Variants in ACTMAP observed in about 807,000 individuals in gnomAD.
ACTMAP encodes actin maturation protease, also known as UPF0692 protein C19orf54.
the ACTMAP span, chr19:40,745,078 G>A: frequency 6.5e-7 from 1 of 1,541,368 alleles, no homozygotes; most frequent in Admixed American, 2.0e-5. Context: ...AGCCCAGCAA[G>A]GGCAGAGTAA....
the ACTMAP span, among the ~76,000 whole-genome samples, chr19:40,746,291 C>T: frequency 6.6e-6 from 1 of 152,096 alleles, no homozygotes; most frequent in African/African-American, 2.4e-5. Flanking sequence ...GCGATCTTGG[C>T]TCACCACAAC....
At chr19:40,743,912 C>T in the ACTMAP span, 2 of 1,614,022 alleles carry the variant, frequency 1.2e-6, no homozygotes, top group Non-Finnish European at 1.7e-6. Flanking sequence ...CACCTGCACT[C>T]ACCGCCCAGT....
the ACTMAP span, chr19:40,741,990 G>A: frequency 9.0e-6 from 4 of 445,926 alleles, no homozygotes; most frequent in African/African-American, 8.0e-5. Context: ...CTGGGGGTGG[G>A]ACTCAATGAT....
chr19:40,743,882 C>T, the ACTMAP span: 10 of 1,612,646 alleles, frequency 6.2e-6, no homozygotes, highest in Admixed American at 1.5e-4. Context: ...TTGAGGGGTG[C>T]AGACAAAGGA....
chr19:40,744,023 C>T, the ACTMAP span: 1 of 1,614,006 alleles, frequency 6.2e-7, no homozygotes, highest in Non-Finnish European at 8.5e-7. Context: ...CTGGGACCCA[C>T]CCTTTGCCAC....
the ACTMAP span, chr19:40,742,817 C>G: frequency 1.4e-5 from 22 of 1,535,678 alleles, no homozygotes; most frequent in Admixed American, 1.9e-5. Flanking sequence ...GAGCCAGGAC[C>G]AGGTGCTGGG....
chr19:40,742,668 G>A, the ACTMAP span: 1 of 1,613,418 alleles, frequency 6.2e-7, no homozygotes, highest in South Asian at 1.1e-5. Context: ...TGGCAGGGAT[G>A]GTGGTTGGCA....
chr19:40,744,543 C>T, the ACTMAP span: 2 of 1,612,670 alleles, frequency 1.2e-6, no homozygotes, highest in African/African-American at 1.3e-5. Context: ...ATGGAGCATG[C>T]AGTCACCCAG....
At chr19:40,744,776 G>C in the ACTMAP span, 1 of 1,465,886 alleles carries the variant, frequency 6.8e-7, no homozygotes, top group Non-Finnish European at 9.1e-7. Flanking sequence ...CCCTGGAGGA[G>C]TCCCCCTCCC....
chr19:40,749,424 G>T, the ACTMAP span: 2 of 1,263,314 alleles, frequency 1.6e-6, no homozygotes, highest in Non-Finnish European at 2.2e-6. Context: ...CACCCCAAGA[G>T]ATCTGTGAAG....
the ACTMAP span, chr19:40,749,870 CG>C: frequency 3.3e-6 from 4 of 1,204,042 alleles, no homozygotes; most frequent in Non-Finnish European, 4.5e-6. Context: ...CAACGGAGAA[CG>C]GTCTCAGGGA....
At chr19:40,746,478 C>T in the ACTMAP span, among the ~76,000 whole-genome samples, 1 of 152,032 alleles carries the variant, frequency 6.6e-6, no homozygotes, top group Non-Finnish European at 1.5e-5. Context: ...CGGGTTCACG[C>T]CATTCTCCTG....
At chr19:40,743,953 C>T in the ACTMAP span, 2 of 1,614,048 alleles carry the variant, frequency 1.2e-6, no homozygotes, top group Non-Finnish European at 8.5e-7. Flanking sequence ...TGACACGGCT[C>T]ATGGTTGAAG....
At chr19:40,744,135 A>AG in the ACTMAP span, 23 of 1,611,736 alleles carry the variant, frequency 1.4e-5, no homozygotes, top group Admixed American at 3.8e-4. Flanking sequence ...CGCCCAGGCC[A>AG]CCAGAGAGCA....
chr19:40,744,629 G>A, the ACTMAP span: 122 of 1,613,696 alleles, frequency 7.6e-5, no homozygotes, highest in African/African-American at 5.6e-4. Context: ...CCAGGGGGAC[G>A]CCACTGGGGG....
At chr19:40,750,477 TC>T in the ACTMAP span, 1 of 152,160 alleles carries the variant, frequency 6.6e-6, no homozygotes, top group Non-Finnish European at 1.5e-5. Context: ...CACCTCCCAC[TC>T]CCGGAAAATG....
chr19:40,749,847 G>C, the ACTMAP span: 1 of 1,326,586 alleles, frequency 7.5e-7, no homozygotes. Flanking sequence ...AAAGCGGGGA[G>C]GGAAGGATCC....
chr19:40,744,518 C>T, the ACTMAP span: 1 of 1,608,928 alleles, frequency 6.2e-7, no homozygotes, highest in Non-Finnish European at 8.5e-7. Context: ...CTGGTCCCAG[C>T]CTCATGAAGA....
At chr19:40,747,374 T>G in the ACTMAP span, among the ~76,000 whole-genome samples, 1 of 151,626 alleles carries the variant, frequency 6.6e-6, no homozygotes, top group Non-Finnish European at 1.5e-5. Context: ...CCGTCTCTAC[T>G]AAAAATACAA....
Sources: allele counts gnomAD v4.1 joint callset (sites outside exome capture counted in the v4.1 genomes callset), GRCh38; gene constraint gnomAD v4.1.1; transcripts MANE v1.5; gene names NCBI Gene and HGNC (gene_info 2026-07-23, HGNC 2026-07-21).